Variants in MARCHF1 observed in about 807,000 individuals in gnomAD.
MARCHF1 encodes membrane associated ring-CH-type finger 1.
A neutral mutation model predicts 54.2 loss-of-function variants in MARCHF1; 40 were observed. The observed-to-expected ratio is 0.74, with a 90% confidence interval of 0.57 to 0.96. The LOEUF is 0.96. MARCHF1 is among the 40% of genes least tolerant of loss of function. The pLI is 0.00. For missense variants in MARCHF1, 586 were observed against 656.5 expected, an observed-to-expected ratio of 0.89 and a Z score of 1.17; for synonymous variants, 236 against 236.3, an observed-to-expected ratio of 1.00 and a Z score of 0.01.
In MARCHF1 at chr4:164,010,312, T is replaced by C. The variant is rs369803018; in HGVS notation, c.-247-21603A>G. On this transcript the variant is annotated intron_variant, in intron 2 of 9. Coordinates refer to ENST00000514618, the MANE Select transcript of MARCHF1 (RefSeq NM_001394959.1). ...TGGGGTTTCACCATGTTAGCCAGGA[T>C]GGTCTCAATCTCTTGACCTCGTGAT... Among the ~76,000 whole-genome samples the C allele has an allele frequency of 2.6e-3, 395 of 151,734 alleles. 21 individuals carry two copies. The South Asian group carries it at 0.08, about 31-fold the overall frequency.
rs572509324 is a variant in MARCHF1 at position 163,622,967 on chromosome 4, T to C, written c.163-9574A>G. 2.4e-4 allele frequency among the ~76,000 whole-genome samples: 37 copies of C among 152,272 alleles called. No individual in the cohort carries two copies. The South Asian group carries it at 7.7e-3, about 32-fold the overall frequency. ...GCCAGCAAGTGGCACTACACTGGTATGCAGAGGACAAGCTCAGCCAGGAGA... is the reference window on the plus strand; with the variant it reads ...GCCAGCAAGTGGCACTACACTGGTACGCAGAGGACAAGCTCAGCCAGGAGA... On this transcript the variant is annotated intron_variant, in intron 5 of 9. Transcript: ENST00000514618.
chr4:163,961,582 G>A (rs1752347450), intron 3 of MARCHF1, among the ~76,000 whole-genome samples: 1 of 151,766 alleles, frequency 6.6e-6, no homozygotes, highest in Non-Finnish European at 1.5e-5. Context: ...CGAGTCTCTT[G>A]TCCTATCTCG....
chr4:163,780,988 G>A (rs1447278564), intron 4 of MARCHF1, among the ~76,000 whole-genome samples: 1 of 152,148 alleles, frequency 6.6e-6, no homozygotes, highest in Non-Finnish European at 1.5e-5. Context: ...TTTTACTGCA[G>A]GGATCAACAT....
At chr4:164,076,916 G>A (rs1238722863) in intron 2 of MARCHF1, among the ~76,000 whole-genome samples, 1 of 152,106 alleles carries the variant, frequency 6.6e-6, no homozygotes, top group African/African-American at 2.4e-5. Flanking sequence ...CCATGCTCAT[G>A]GATAGGAAGA....
intron 1 of MARCHF1, among the ~76,000 whole-genome samples, chr4:164,332,408 A>C (rs1215853726): frequency 2.6e-5 from 4 of 152,202 alleles, no homozygotes; most frequent in African/African-American, 9.7e-5. Context: ...CTCTACTTAA[A>C]TTTAGCTCAG....
intron 2 of MARCHF1, among the ~76,000 whole-genome samples, chr4:164,098,084 C>T (rs913813265): frequency 6.6e-6 from 1 of 152,144 alleles, no homozygotes; most frequent in African/African-American, 2.4e-5. Flanking sequence ...TGAGAGCTGA[C>T]ATGAGTTACA....
intron 2 of MARCHF1, among the ~76,000 whole-genome samples, chr4:163,992,656 A>C (rs1327287607): frequency 6.6e-6 from 1 of 151,310 alleles, no homozygotes. Context: ...AGTTATTAGG[A>C]TCACCACTTG....
chr4:163,622,638 A>G (rs1474144361), intron 5 of MARCHF1, among the ~76,000 whole-genome samples: 1 of 152,144 alleles, frequency 6.6e-6, no homozygotes, highest in African/African-American at 2.4e-5. Context: ...GGGCTGATTA[A>G]AATATTTAGT....
intron 1 of MARCHF1, among the ~76,000 whole-genome samples, chr4:164,319,926 G>A (rs972249503): frequency 6.6e-6 from 1 of 152,000 alleles, no homozygotes; most frequent in Non-Finnish European, 1.5e-5. Flanking sequence ...AAACCCCTAA[G>A]CCCAAGCAGT....
chr4:163,864,908 T>C (rs1750016794), intron 3 of MARCHF1, among the ~76,000 whole-genome samples: 1 of 151,874 alleles, frequency 6.6e-6, no homozygotes, highest in South Asian at 2.1e-4. Flanking sequence ...GAGTTATTTT[T>C]TACCTTCTTA....
chr4:164,272,708 G>A (rs1428882023), intron 1 of MARCHF1, among the ~76,000 whole-genome samples: 5 of 151,776 alleles, frequency 3.3e-5, no homozygotes, highest in African/African-American at 1.2e-4. Flanking sequence ...TTTAAGTCAG[G>A]TAGTGAGTAT....
intron 4 of MARCHF1, among the ~76,000 whole-genome samples, chr4:163,731,736 T>C (rs981451266): frequency 6.6e-6 from 1 of 152,152 alleles, no homozygotes; most frequent in Admixed American, 6.5e-5. Context: ...AGTAGACACA[T>C]TGTCTAGATA....
At position 163,527,522 on chromosome 4, in the gene MARCHF1, ATTGTT is replaced by A. The variant is rs968406347; in HGVS notation, c.*1221_*1225del. The A allele has an allele frequency of 7.0e-6, 1 of 143,342 alleles. No individual in the cohort carries two copies. The highest frequency in any genetic ancestry group is 1.6e-5 in the Non-Finnish European group (1 of 64,232). The allele number at this position is 143,342 out of a possible 1,614,324, so 8.9% of individuals were successfully genotyped here. On this transcript the variant is annotated 3_prime_UTR_variant, in exon 10 of 10. Transcript: ENST00000514618. Reference sequence around the variant, plus strand: ...TCACAACTCTGCTATAGGCAGATTGATTGTTTTATCTTTCTATACTTTTGGATTTT... The same window carrying A: ...TCACAACTCTGCTATAGGCAGATTGATTATCTTTCTATACTTTTGGATTTT...
chr4:164,039,836 T>A (rs1367806573), intron 2 of MARCHF1, among the ~76,000 whole-genome samples: 1 of 151,768 alleles, frequency 6.6e-6, no homozygotes, highest in Non-Finnish European at 1.5e-5. Flanking sequence ...AATAGGTAGA[T>A]TTTTAGCATG....
intron 3 of MARCHF1, among the ~76,000 whole-genome samples, chr4:163,870,493 A>T (rs1750145828): frequency 6.6e-6 from 1 of 152,082 alleles, no homozygotes; most frequent in Admixed American, 6.6e-5. Flanking sequence ...ACATTATTTA[A>T]AATTAATATA....
At chr4:164,253,265 T>A (rs1733176830) in intron 1 of MARCHF1, among the ~76,000 whole-genome samples, 1 of 152,140 alleles carries the variant, frequency 6.6e-6, no homozygotes, top group South Asian at 2.1e-4. Context: ...TTGAAATAGT[T>A]CAACTTCCAC....
chr4:164,068,888 G>A (rs970297707), intron 2 of MARCHF1, among the ~76,000 whole-genome samples: 1 of 152,202 alleles, frequency 6.6e-6, no homozygotes, highest in Non-Finnish European at 1.5e-5. Context: ...TCAGCACTCT[G>A]TATCTAGCTC....
At chr4:163,840,418 G>T (rs1296069245) in intron 4 of MARCHF1, among the ~76,000 whole-genome samples, 1 of 152,016 alleles carries the variant, frequency 6.6e-6, no homozygotes, top group Non-Finnish European at 1.5e-5. Context: ...TGATTTGGGG[G>T]TCCATGTGCA....
At chr4:163,843,069 A>T (rs1463481490) in intron 4 of MARCHF1, among the ~76,000 whole-genome samples, 2 of 152,038 alleles carry the variant, frequency 1.3e-5, no homozygotes, top group East Asian at 3.9e-4. Flanking sequence ...CTTTGTGTCC[A>T]CGTGTATTCA....
Sources: allele counts gnomAD v4.1 joint callset (sites outside exome capture counted in the v4.1 genomes callset), GRCh38; gene constraint gnomAD v4.1.1; transcripts MANE v1.5; gene names NCBI Gene and HGNC (gene_info 2026-07-23, HGNC 2026-07-21).